Variants in THBS4 observed in about 807,000 individuals in gnomAD.
THBS4 encodes the protein thrombospondin-4.
THBS4 carries 90 observed loss-of-function variants against 115.7 expected under a neutral mutation model. That is an observed-to-expected ratio of 0.78 (90% CI 0.66 to 0.93). The LOEUF is 0.93. THBS4 is among the 40% of genes least tolerant of loss of function. The pLI, the probability that THBS4 is intolerant of heterozygous loss-of-function variation, is 0.00. For synonymous variants in THBS4, 460 were observed against 479.3 expected (o/e 0.96, Z 0.53); for missense variants, 1,087 against 1,232.7 (o/e 0.88, Z 1.77).
At chr5:80,079,792 A>C (rs1375121463) in intron 19 of THBS4, 113 bp from the exon 20 acceptor site, 2 of 1,172,858 alleles carry the variant, frequency 1.7e-6, no homozygotes, top group Non-Finnish European at 2.4e-6. Flanking sequence ...TTCTGAATCC[A>C]AGGCAGCCGG....
chr5:80,043,915 C>T (rs1383946799), intron 2 of THBS4, among the ~76,000 whole-genome samples: 1 of 152,172 alleles, frequency 6.6e-6, no homozygotes, highest in Non-Finnish European at 1.5e-5. Context: ...CCCCAAGCAG[C>T]CTTTCCAGTT....
intron 1 of THBS4, chr5:80,036,019 A>T: frequency 3.0e-6 from 3 of 1,002,732 alleles, no homozygotes; most frequent in Non-Finnish European, 3.6e-6. Context: ...ATCCTTCCTC[A>T]GGCGGAGCGA....
Position 79,998,548 on chromosome 5 carries a change from C to T in THBS4, n.177+121C>T, listed in dbSNP as rs553415694. On this transcript the variant is annotated intron_variant and non_coding_transcript_variant, in intron 2 of 3. Coordinates refer to the THBS4 transcript ENST00000510218. ...GGAAAAAGAGACATAGCAACACAGACGTAGACCCAGACCCAAAATTGGTGA... is the reference window on the plus strand; with the variant it reads ...GGAAAAAGAGACATAGCAACACAGATGTAGACCCAGACCCAAAATTGGTGA... 170 of 152,330 alleles carry T rather than the reference C, an allele frequency of 1.1e-3. 1 individual carries two copies. The highest frequency in any genetic ancestry group is 4.0e-3 in the African/African-American group (165 of 41,552). The allele number at this position is 152,330 out of a possible 1,614,324, so 9.4% of individuals were successfully genotyped here. A position where few individuals can be genotyped will look rare whatever the true frequency, so the allele number is the denominator to read the frequency against.
At chr5:80,000,787 G>C (rs1169339495) in intron 2 of THBS4, among the ~76,000 whole-genome samples, 1 of 152,126 alleles carries the variant, frequency 6.6e-6, no homozygotes, top group Admixed American at 6.5e-5. Flanking sequence ...ATCCAGGAGA[G>C]AGGCTTCCAA....
intron 21 of THBS4, among the ~76,000 whole-genome samples, 196 bp from the exon 22 acceptor site, chr5:80,082,884 G>A (rs1743591646): frequency 6.6e-6 from 1 of 152,226 alleles, no homozygotes; most frequent in Non-Finnish European, 1.5e-5. Flanking sequence ...TTTCTGCACG[G>A]CCGGGAAGGA....
chr5:80,073,162 G>A, intron 14 of THBS4, 113 bp from the exon 15 acceptor site: 1 of 1,123,908 alleles, frequency 8.9e-7, no homozygotes. Flanking sequence ...CACCACCCCG[G>A]TTCCAGAGAA....
intron 21 of THBS4, 45 bp downstream of exon 21, chr5:80,082,590 G>A: frequency 6.2e-7 from 1 of 1,607,268 alleles, no homozygotes; most frequent in Non-Finnish European, 8.5e-7. Context: ...ACTAGAATTA[G>A]TCAAACACTG....
intron 2 of THBS4, among the ~76,000 whole-genome samples, chr5:80,006,388 T>G (rs1005882856): frequency 6.6e-6 from 1 of 152,232 alleles, no homozygotes; most frequent in Non-Finnish European, 1.5e-5. Flanking sequence ...TCCGCTTTTG[T>G]GTCGTCATTC....
chr5:80,029,899 G>A (rs1214403137), intron 2 of THBS4, among the ~76,000 whole-genome samples: 2 of 152,090 alleles, frequency 1.3e-5, no homozygotes, highest in Non-Finnish European at 2.9e-5. Flanking sequence ...GAACCCGGGA[G>A]GCGGAGGTTG....
intron 2 of THBS4, among the ~76,000 whole-genome samples, chr5:80,022,650 A>G (rs1466247443): frequency 6.6e-6 from 1 of 152,244 alleles, no homozygotes; most frequent in Non-Finnish European, 1.5e-5. Flanking sequence ...CAGCTCATTT[A>G]TTCAAATTAT....
chr5:80,081,425 C>T (rs1743500239), intron 20 of THBS4, among the ~76,000 whole-genome samples: 1 of 152,102 alleles, frequency 6.6e-6, no homozygotes, highest in Non-Finnish European at 1.5e-5. Context: ...CTAACAATAT[C>T]ATAGAGAAAT....
At chr5:80,047,633 A>ATTTT (rs1554051282) in intron 2 of THBS4, among the ~76,000 whole-genome samples, 1 of 102,444 alleles carries the variant, frequency 9.8e-6, no homozygotes, top group Admixed American at 9.8e-5. Flanking sequence ...AAAATTAAGA[A>ATTTT]TTTTTTTTTT....
Position 80,068,059 on chromosome 5 carries a change from A to C in THBS4, c.1281A>C (p.Pro427=), listed in dbSNP as rs1003449510. 21 of 1,614,108 alleles carry C rather than the reference A, an allele frequency of 1.3e-5. No homozygotes were observed. Among genetic ancestry groups the C allele is most frequent in the Non-Finnish European group, 1.7e-5 (20 of 1,180,054 alleles). ...AAGCGGAAAGAAACTGCAGAAACCC[A>C]GAGCTGAACCCTTGCAGTGTGAATG... The part of the protein sequence containing the change: ...GCKAERNCRN[P]ELNPCSVNAQ... The change falls in exon 10 of 22, where the codon CCA becomes CCC. Residue 427 remains proline, a synonymous_variant. Coordinates refer to ENST00000350881, the MANE Select transcript of THBS4 (RefSeq NM_003248.6).
chr5:80,026,485 A>G (rs962410112), intron 2 of THBS4, among the ~76,000 whole-genome samples: 1 of 152,240 alleles, frequency 6.6e-6, no homozygotes, highest in Admixed American at 6.5e-5. Context: ...AACAGGGGTC[A>G]GTAACCTTTT....
At chr5:80,009,431 C>G (rs867510782) in intron 2 of THBS4, among the ~76,000 whole-genome samples, 2 of 152,268 alleles carry the variant, frequency 1.3e-5, no homozygotes, top group South Asian at 2.1e-4. Context: ...ATTTTGCTGT[C>G]TAAACCAAGA....
At chr5:80,046,856 G>A (rs151180927) in intron 2 of THBS4, among the ~76,000 whole-genome samples, 45 of 152,282 alleles carry the variant, frequency 3.0e-4, no homozygotes, top group Middle Eastern at 3.4e-3. Flanking sequence ...AGCAAAGACA[G>A]CATTTTATCG....
At chr5:80,064,753 T>C (rs887932034) in intron 8 of THBS4, among the ~76,000 whole-genome samples, 1 of 152,028 alleles carries the variant, frequency 6.6e-6, no homozygotes, top group Non-Finnish European at 1.5e-5. Context: ...CAAAAAAATA[T>C]AGGGCAATGT....
chr5:79,996,348 G>A (rs904882693), intron 1 of THBS4, among the ~76,000 whole-genome samples: 17 of 152,090 alleles, frequency 1.1e-4, no homozygotes, highest in Admixed American at 3.9e-4. Context: ...TGGAAATAAA[G>A]TTGGCCCCAG....
chr5:80,074,258 A>G (rs1743075469), intron 15 of THBS4: 1 of 152,150 alleles, frequency 6.6e-6, no homozygotes, highest in South Asian at 2.1e-4. Flanking sequence ...AGTTTTCCTT[A>G]TTTAAGTGGA....
Sources: allele counts gnomAD v4.1 joint callset (sites outside exome capture counted in the v4.1 genomes callset), GRCh38; gene constraint gnomAD v4.1.1; transcripts MANE v1.5; gene names NCBI Gene and HGNC (gene_info 2026-07-23, HGNC 2026-07-21).